The following RALGPS1 variants were observed in gnomAD, a reference collection of about 807,000 sequenced individuals.
The protein encoded by RALGPS1 is ras-specific guanine nucleotide-releasing factor RalGPS1.
A neutral mutation model predicts 78.8 loss-of-function variants in RALGPS1; 19 were observed. That is an observed-to-expected ratio of 0.24 (90% CI 0.17 to 0.35). RALGPS1 has a LOEUF of 0.35. Among genes scored for constraint, RALGPS1 ranks in the 10% least tolerant of loss-of-function variants. RALGPS1 has a pLI of 1.00. For missense variants in RALGPS1, 454 were observed against 688.3 expected (o/e 0.66, Z 3.81); for synonymous variants, 228 against 256.3 (o/e 0.89, Z 1.06).
chr9:127,053,089 A>G, intron 7 of RALGPS1, 150 bp downstream of exon 7: 1 of 621,704 alleles, frequency 1.6e-6, no homozygotes, highest in East Asian at 2.7e-5. Flanking sequence ...AGGCATCCTC[A>G]CTCCGTCAGT....
In RALGPS1 at chr9:127,155,631, G is replaced by A. The variant is rs192710585; in HGVS notation, c.611-10438G>A. 6.0e-3 allele frequency among the ~76,000 whole-genome samples: 916 copies of A among 152,316 alleles called. 3 individuals carry two copies. The highest frequency in any genetic ancestry group is 9.8e-3 in the Non-Finnish European group (669 of 68,024). On this transcript the variant is annotated intron_variant, in intron 8 of 18. Transcript: ENST00000259351. ...AAAGCCACTGGGTATTTTTAAGTAG[G>A]TGAGGGGCATGGTCTAATAGGGTTT... is the stretch of plus-strand genomic sequence containing the variant.
intron 4 of RALGPS1, among the ~76,000 whole-genome samples, chr9:127,008,066 ATG>A (rs2044009325): frequency 1.3e-5 from 2 of 150,334 alleles, no homozygotes; most frequent in South Asian, 4.2e-4. Context: ...GCTAAGGTGG[ATG>A]TGGATGTTGT....
intron 8 of RALGPS1, among the ~76,000 whole-genome samples, chr9:127,074,415 T>G (rs544971389): frequency 6.6e-6 from 1 of 152,332 alleles, no homozygotes; most frequent in Non-Finnish European, 1.5e-5. Context: ...ACTTGGTTAC[T>G]GGCAAATCCC....
At position 127,088,765 on chromosome 9, in the gene RALGPS1, A is replaced by G. The variant is rs1051228088; in HGVS notation, c.610+19409A>G. ...AAGGAAAGTAGGAGGGACAGAAAAC[A>G]CCGTATCGATTCAGTTCCATCATCC... On this transcript the variant is annotated intron_variant, in intron 8 of 18. Coordinates refer to ENST00000259351, the MANE Select transcript of RALGPS1 (RefSeq NM_014636.3). The G allele has an allele frequency of 3.1e-5, 22 of 714,938 alleles. No individual in the cohort carries two copies. In the African/African-American group the frequency reaches 3.9e-4, roughly 13 times the overall value. 44.3% of individuals were successfully genotyped at this position (714,938 alleles called of 1,614,324 possible).
intron 4 of RALGPS1, among the ~76,000 whole-genome samples, chr9:127,006,560 CTTTG>C (rs2043860737): frequency 6.6e-6 from 1 of 152,146 alleles, no homozygotes. Flanking sequence ...ATCATTATAA[CTTTG>C]TTTATTGAAT....
chr9:127,034,454 TAAG>T lies in RALGPS1; in HGVS notation c.244_246del (p.Lys82del). 6.2e-7 allele frequency: 1 copy of T among 1,613,978 alleles called. No homozygotes were observed. The highest frequency in any genetic ancestry group is 8.5e-7 in the Non-Finnish European group (1 of 1,179,970). ...AGGAACTAGCCAGCTGTGGATGGAG[TAAG>T]AAGGAGAAACACAGTCTTGCCCCTA... is the stretch of plus-strand genomic sequence containing the variant. On this transcript the variant is annotated inframe_deletion, in exon 5 of 19. Coordinates refer to ENST00000259351, the MANE Select transcript of RALGPS1 (RefSeq NM_014636.3).
chr9:127,214,941 C>A, intron 18 of RALGPS1, 99 bp downstream of exon 18: 12 of 1,559,876 alleles, frequency 7.7e-6, no homozygotes, highest in Non-Finnish European at 1.0e-5. Context: ...CTTTCAGAGC[C>A]CATTAGCCAC....
chr9:127,195,283 G>GC, intron 12 of RALGPS1, 66 bp downstream of exon 12: 1 of 1,570,686 alleles, frequency 6.4e-7, no homozygotes, highest in Non-Finnish European at 8.6e-7. Flanking sequence ...TGGGCACAGT[G>GC]CAGGGAATCA....
chr9:126,938,621 C>T (rs2036483801), intron 1 of RALGPS1, among the ~76,000 whole-genome samples: 2 of 152,180 alleles, frequency 1.3e-5, no homozygotes, highest in African/African-American at 2.4e-5. Flanking sequence ...TTTGTACACC[C>T]CTACTGGGTT....
intron 8 of RALGPS1, among the ~76,000 whole-genome samples, chr9:127,103,531 C>A (rs2053932816): frequency 6.6e-6 from 1 of 152,168 alleles, no homozygotes; most frequent in Non-Finnish European, 1.5e-5. Flanking sequence ...AGGATATGTC[C>A]AGATTTGATA....
chr9:127,182,548 G>A (rs1390008574), intron 11 of RALGPS1, among the ~76,000 whole-genome samples: 1 of 151,484 alleles, frequency 6.6e-6, no homozygotes, highest in African/African-American at 2.4e-5. Flanking sequence ...TCCTGCCTCA[G>A]CCTCCCGAGT....
At chr9:127,086,834 A>G (rs1016331150) in intron 8 of RALGPS1, among the ~76,000 whole-genome samples, 35 of 152,144 alleles carry the variant, frequency 2.3e-4, no homozygotes, top group African/African-American at 8.0e-4. Flanking sequence ...TAGGGTGGAA[A>G]TTGGACTGGA....
At chr9:126,985,431 G>A (rs1340706213) in intron 4 of RALGPS1, among the ~76,000 whole-genome samples, 1 of 152,064 alleles carries the variant, frequency 6.6e-6, no homozygotes, top group African/African-American at 2.4e-5. Context: ...ACATTATCTT[G>A]TAAAAATTTG....
chr9:127,088,598 C>G, intron 8 of RALGPS1: 1 of 340,572 alleles, frequency 2.9e-6, no homozygotes, highest in South Asian at 3.4e-5. Context: ...TATACACATA[C>G]GTGCACAAGG....
At chr9:127,202,443 C>T (rs2061683695) in intron 14 of RALGPS1, among the ~76,000 whole-genome samples, 1 of 152,096 alleles carries the variant, frequency 6.6e-6, no homozygotes, top group South Asian at 2.1e-4. Context: ...GGAGCTGGAG[C>T]CCACTGAGGC....
intron 7 of RALGPS1, among the ~76,000 whole-genome samples, chr9:127,059,638 G>A (rs981866657): frequency 2.6e-5 from 4 of 152,002 alleles, no homozygotes; most frequent in Non-Finnish European, 4.4e-5. Flanking sequence ...GGAGCTTCAA[G>A]TGTCACCTCC....
At chr9:127,070,979 CTTAT>C (rs746160601) in intron 8 of RALGPS1, among the ~76,000 whole-genome samples, 6 of 150,762 alleles carry the variant, frequency 4.0e-5, no homozygotes, top group Non-Finnish European at 7.4e-5. Flanking sequence ...TAGTTTTTTT[CTTAT>C]TTAATTTTTT....
At chr9:126,959,151 T>G (rs1267472721) in intron 1 of RALGPS1, among the ~76,000 whole-genome samples, 1 of 151,972 alleles carries the variant, frequency 6.6e-6, no homozygotes, top group East Asian at 1.9e-4. Flanking sequence ...AACCTCCGCT[T>G]CTTGGGTTCA....
chr9:127,128,595 C>T (rs192112179), intron 8 of RALGPS1, among the ~76,000 whole-genome samples: 1 of 152,290 alleles, frequency 6.6e-6, no homozygotes, highest in South Asian at 2.1e-4. Context: ...CATCAAGAAG[C>T]CTGTGGAACT....
Sources: allele counts gnomAD v4.1 joint callset (sites outside exome capture counted in the v4.1 genomes callset), GRCh38; gene constraint gnomAD v4.1.1; transcripts MANE v1.5; gene names NCBI Gene and HGNC (gene_info 2026-07-23, HGNC 2026-07-21).